Variants in ADGRA3 observed in about 807,000 individuals in gnomAD.
The protein encoded by ADGRA3 is G-protein coupled receptor 125.
ADGRA3 carries 56 observed loss-of-function variants against 119.8 expected under a neutral mutation model. The observed-to-expected ratio is 0.47, with a 90% CI of 0.38 to 0.58. The LOEUF (loss-of-function observed/expected upper bound fraction) is 0.58, where lower values mean the gene tolerates loss of function less well. ADGRA3 is among the 20% of genes least tolerant of loss of function. The probability of loss-of-function intolerance (pLI) is 0.00; values close to 1 mark genes in which losing one functional copy is unlikely to be tolerated. For missense variants in ADGRA3, 1,516 were observed against 1,649.0 expected (o/e 0.92, Z 1.40); for synonymous variants, 607 against 623.8 (o/e 0.97, Z 0.40).
intron 1 of ADGRA3, among the ~76,000 whole-genome samples, chr4:22,493,014 G>A (rs1718685598): frequency 6.6e-6 from 1 of 152,006 alleles, no homozygotes; most frequent in Admixed American, 6.6e-5. Flanking sequence ...CACCCAGGTG[G>A]AGTGCAGAGG....
intron 10 of ADGRA3, among the ~76,000 whole-genome samples, chr4:22,427,012 G>C (rs1283943721): frequency 6.6e-6 from 1 of 152,150 alleles, no homozygotes; most frequent in Non-Finnish European, 1.5e-5. Context: ...TGCTAAACTA[G>C]TAAGTCCAAA....
chr4:22,424,172 A>C lies in ADGRA3; in HGVS notation c.1605+19T>G, dbSNP rs1350851181. 2 of 1,594,366 alleles carry C rather than the reference A, an allele frequency of 1.3e-6. No homozygotes were observed. Among genetic ancestry groups the C allele is most frequent in the Non-Finnish European group, 1.7e-6 (2 of 1,167,470 alleles). ...AATGCACTTTTTTTCTCAGGAGTCT[A>C]TGATAATGTTACACTTACTGTTGAA... On this transcript the variant is annotated intron_variant, in intron 11 of 18. Transcript: ENST00000334304.
At chr4:22,507,066 T>A (rs190842841) in intron 1 of ADGRA3, among the ~76,000 whole-genome samples, 1 of 119,614 alleles carries the variant, frequency 8.4e-6, no homozygotes, top group East Asian at 2.7e-4. Flanking sequence ...TGAAACCCCA[T>A]CTCTACTAAA....
At chr4:22,468,298 A>G (rs1179710329) in intron 2 of ADGRA3, among the ~76,000 whole-genome samples, 3 of 152,212 alleles carry the variant, frequency 2.0e-5, no homozygotes, top group Non-Finnish European at 4.4e-5. Context: ...AATAGCTGGA[A>G]GAGATGCTGA....
chr4:22,473,870 T>G (rs1238857925), intron 1 of ADGRA3, 27 bp from the exon 2 acceptor site: 2 of 1,389,132 alleles, frequency 1.4e-6, no homozygotes, highest in Non-Finnish European at 1.0e-6. Flanking sequence ...AAATAATAAG[T>G]TGCCTAATAT....
chr4:22,469,618 A>G (rs1406019009), intron 2 of ADGRA3, among the ~76,000 whole-genome samples: 2 of 152,162 alleles, frequency 1.3e-5, no homozygotes, highest in Admixed American at 6.5e-5. Context: ...GCCATCTCAA[A>G]AGTCAACCTA....
rs1394350588 is a variant in ADGRA3 at position 22,438,230 on chromosome 4, T to A, written c.1085+26A>T. 3.1e-6 allele frequency: 5 copies of A among 1,594,388 alleles called. No homozygotes were observed. The African/African-American group carries it at 4.0e-5, about 13-fold the overall frequency. ...GAAGGATCTGGGACAAATTAAACTT[T>A]TCCCCGTATTTTCCACAACACTGAC... On this transcript the variant is annotated intron_variant, in intron 8 of 18. Coordinates refer to ENST00000334304, the MANE Select transcript of ADGRA3 (RefSeq NM_145290.4).
intron 10 of ADGRA3, among the ~76,000 whole-genome samples, chr4:22,426,005 C>G (rs1407497890): frequency 6.6e-6 from 1 of 152,198 alleles, no homozygotes; most frequent in Non-Finnish European, 1.5e-5. Context: ...TCCTGTCTTT[C>G]TGAATGTTGT....
chr4:22,436,761 G>C, intron 8 of ADGRA3, 120 bp from the exon 9 acceptor site: 1 of 801,104 alleles, frequency 1.2e-6, no homozygotes, highest in South Asian at 1.7e-5. Flanking sequence ...CCCTGACACG[G>C]GTCATCAAAA....
intron 14 of ADGRA3, among the ~76,000 whole-genome samples, chr4:22,408,949 C>T (rs185057341): frequency 1.3e-5 from 2 of 152,226 alleles, no homozygotes; most frequent in Non-Finnish European, 1.5e-5. Context: ...TAAACTGCTG[C>T]TAAATGCAAA....
intron 11 of ADGRA3, among the ~76,000 whole-genome samples, chr4:22,421,881 CAAAAAAAAAAA>C (rs754845592): frequency 4.3e-5 from 3 of 70,422 alleles, no homozygotes; most frequent in African/African-American, 1.3e-4. Context: ...ACTCAGTCTC[CAAAAAAAAAAA>C]AAAAAAAAAA....
intron 4 of ADGRA3, among the ~76,000 whole-genome samples, 174 bp downstream of exon 4, chr4:22,454,692 A>AT (rs1471112524): frequency 6.6e-6 from 1 of 152,030 alleles, no homozygotes; most frequent in Admixed American, 6.6e-5. Flanking sequence ...GTAAGGTAGC[A>AT]TTATATTCTG....
intron 3 of ADGRA3, among the ~76,000 whole-genome samples, chr4:22,459,399 C>G (rs1390783221): frequency 6.6e-6 from 1 of 151,858 alleles, no homozygotes; most frequent in African/African-American, 2.4e-5. Context: ...ATGAAATAAT[C>G]TGTGTAACAA....
At chr4:22,459,443 C>A (rs1285343957) in intron 3 of ADGRA3, among the ~76,000 whole-genome samples, 1 of 151,644 alleles carries the variant, frequency 6.6e-6, no homozygotes, top group African/African-American at 2.4e-5. Flanking sequence ...ACGCAACAAA[C>A]CTGCACTTGT....
At chr4:22,421,859 C>T (rs149569551) in intron 11 of ADGRA3, among the ~76,000 whole-genome samples, 1,080 of 95,782 alleles carry the variant, frequency 0.011, 19 homozygotes, top group East Asian at 0.07. Flanking sequence ...CCAGCCTGGA[C>T]AACAGAGCAA....
At position 22,413,820 on chromosome 4, in the gene ADGRA3, A is replaced by G; in HGVS notation, c.1810-6T>C. ...GAAGCCTCCACAATAGTATTCTGAA[A>G]AAATATATATACATAAAAAAAGCTC... On this transcript the variant is annotated splice_polypyrimidine_tract_variant and splice_region_variant and intron_variant, in intron 12 of 18. Coordinates refer to ENST00000334304, the MANE Select transcript of ADGRA3 (RefSeq NM_145290.4). The G allele has an allele frequency of 6.3e-7, 1 of 1,582,422 alleles. No individual in the cohort carries two copies. The highest frequency in any genetic ancestry group is 8.6e-7 in the Non-Finnish European group (1 of 1,161,826).
chr4:22,428,077 C>G (rs1469017174), intron 10 of ADGRA3, among the ~76,000 whole-genome samples: 1 of 152,152 alleles, frequency 6.6e-6, no homozygotes, highest in African/African-American at 2.4e-5. Context: ...TCAAAAACAT[C>G]TGCTAATTTA....
At chr4:22,476,756 T>C (rs1718059640) in intron 1 of ADGRA3, among the ~76,000 whole-genome samples, 1 of 151,864 alleles carries the variant, frequency 6.6e-6, no homozygotes, top group South Asian at 2.1e-4. Context: ...AATCTACGCC[T>C]CCAGGGTTCA....
At chr4:22,512,985 CG>C (rs1719501383) in intron 1 of ADGRA3, among the ~76,000 whole-genome samples, 1 of 152,062 alleles carries the variant, frequency 6.6e-6, no homozygotes, top group Non-Finnish European at 1.5e-5. Context: ...GAATCTGGGA[CG>C]TGGACTCTGA....
Sources: allele counts gnomAD v4.1 joint callset (sites outside exome capture counted in the v4.1 genomes callset), GRCh38; gene constraint gnomAD v4.1.1; transcripts MANE v1.5; gene names NCBI Gene and HGNC (gene_info 2026-07-23, HGNC 2026-07-21).